TMEM127: variants seen among roughly 807,000 people sequenced by gnomAD.
The protein encoded by TMEM127 is transmembrane protein 127.
TMEM127 carries 21 observed loss-of-function variants against 20.1 expected under a neutral mutation model. The ratio of observed to expected loss-of-function variants is 1.04; its 90% CI spans 0.74 to 1.50. The LOEUF (loss-of-function observed/expected upper bound fraction) is 1.50, where lower values mean the gene tolerates loss of function less well. TMEM127 is among the 40% of genes most tolerant of loss of function. TMEM127 has a pLI of 0.00. For missense variants in TMEM127, 303 were observed against 317.4 expected (o/e 0.95, Z 0.34); for synonymous variants, 150 against 144.7 (o/e 1.04, Z -0.26).
intron 2 of TMEM127, among the ~76,000 whole-genome samples, chr2:96,257,898 G>A (rs1278159473): frequency 6.7e-6 from 1 of 149,508 alleles, no homozygotes; most frequent in Admixed American, 6.7e-5. Context: ...CTTGGTGACA[G>A]AGTGACTCCG....
At position 96,265,753 on chromosome 2, in the gene TMEM127, G is replaced by A. The variant is rs1573978529; in HGVS notation, c.-132+116C>T. The A allele has an allele frequency of 1.8e-5, 4 of 222,998 alleles. No homozygotes were observed. In the East Asian group the frequency reaches 3.3e-4, roughly 19 times the overall value. 13.8% of individuals were successfully genotyped at this position (222,998 alleles called of 1,614,324 possible). On this transcript the variant is annotated intron_variant, in intron 1 of 3. Transcript: ENST00000258439. The stretch of plus-strand genomic sequence containing the variant: ...CAGGGTCTCAGCCAGAGGATGCCGA[G>A]GGGCGGAGGACCGGGCTGGGCCGCG...
intron 2 of TMEM127, among the ~76,000 whole-genome samples, chr2:96,262,741 C>T (rs1005073496): frequency 6.6e-6 from 1 of 152,192 alleles, no homozygotes; most frequent in Non-Finnish European, 1.5e-5. Context: ...GGCTGGAGTG[C>T]AGTAGTGTGA....
chr2:96,263,022 AAAG>A (rs1684342531), intron 2 of TMEM127, among the ~76,000 whole-genome samples: 1 of 151,226 alleles, frequency 6.6e-6, no homozygotes, highest in African/African-American at 2.4e-5. Context: ...ACATGTGAAC[AAAG>A]AAGAACCTGC....
In TMEM127 at chr2:96,253,333, TCCG is replaced by T; in HGVS notation, c.*472_*474del. 2 of 244,168 alleles carry T rather than the reference TCCG, an allele frequency of 8.2e-6. No homozygotes were observed. The highest frequency in any genetic ancestry group is 5.1e-5 in the Admixed American group (1 of 19,710). 15.1% of individuals were successfully genotyped at this position (244,168 alleles called of 1,614,324 possible). A position where few individuals can be genotyped will look rare whatever the true frequency, so the allele number is the denominator to read the frequency against. On this transcript the variant is annotated 3_prime_UTR_variant, in exon 4 of 4. Transcript: ENST00000258439. This position sits in a 1 kb window ranked among gnomAD's most constrained non-coding sequence, Gnocchi z 4.3. ...AGCAGGTGGCCTGGGGGCGGGTCAC[TCCG>T]AGAAGGAAGGGGTCTGGGGGGCGTC...
At position 96,265,302 on chromosome 2, in the gene TMEM127, G is replaced by C. The variant is rs983504110; in HGVS notation, c.80C>G (p.Pro27Arg). ...CAGGGCCGAGGCCAGGCTACGCTCC[G>C]GCTGCTTGGGCAGAGCGCTGCCTCC... ...SPGGSALPKQ[P>R]ERSLASALPG... Residue 27 changes from proline to arginine, a missense_variant, in exon 2 of 4, where the codon CCG (proline) becomes CGG (arginine). By Grantham distance (103) the Pro-to-Arg change is moderately radical. Coordinates refer to ENST00000258439, the MANE Select transcript of TMEM127 (RefSeq NM_017849.4). The C allele has an allele frequency of 1.9e-6, 3 of 1,544,026 alleles. No homozygotes were observed. The highest frequency in any genetic ancestry group is 2.6e-6 in the Non-Finnish European group (3 of 1,151,008).
rs1297577323 is a variant in TMEM127 at position 96,265,170 on chromosome 2, AC to A, written c.211del (p.Val71CysfsTer10). 6.2e-7 allele frequency: 1 copy of A among 1,611,276 alleles called. No homozygotes were observed. The highest frequency in any genetic ancestry group is 1.7e-5 in the Admixed American group (1 of 59,872). On this transcript the variant is annotated frameshift_variant, in exon 2 of 4. Coordinates refer to ENST00000258439, the MANE Select transcript of TMEM127 (RefSeq NM_017849.4). LOFTEE classifies it high-confidence loss of function. ...CSRQELGVSD[V>X]LGYVHPDLLK... ...CAGGTCCGGGTGCACATAGCCCAAC[AC>A]GTCGGAGACCCCCAGCTCCTGGCGC...
At chr2:96,254,203 C>T (rs1684155311) in intron 3 of TMEM127, 88 bp from the exon 4 acceptor site, 1 of 1,544,004 alleles carries the variant, frequency 6.5e-7, no homozygotes, top group Admixed American at 1.7e-5. Flanking sequence ...CCTCTCTACC[C>T]AAACCCCATT....
Position 96,249,670 on chromosome 2 carries a change from T to A in TMEM127, c.*4138A>T, listed in dbSNP as rs1335203490. 7 of 232,772 alleles carry A rather than the reference T, an allele frequency of 3.0e-5. No individual in the cohort carries two copies. In the Admixed American group the frequency reaches 3.9e-4, roughly 13 times the overall value. The allele number at this position is 232,772 out of a possible 1,614,324, so 14.4% of individuals were successfully genotyped here. Reference sequence around the variant, plus strand: ...TTAAAATGTCACTCCCCCCAAAAAATGCAGAGGAAGAGGTAAGATTGCAGG... The same window carrying A: ...TTAAAATGTCACTCCCCCCAAAAAAAGCAGAGGAAGAGGTAAGATTGCAGG... On this transcript the variant is annotated 3_prime_UTR_variant, in exon 4 of 4. Coordinates refer to ENST00000258439, the MANE Select transcript of TMEM127 (RefSeq NM_017849.4).
rs775177724 is a variant in TMEM127, at chr2:96,253,891, A to T, written c.634T>A (p.Ser212Thr). ...EEEEQALELL[S>T]EMEENEPYPA... ...TAGGGCTCGTTCTCTTCCATCTCTG[A>T]GAGCAGCTCCAGCGCCTGCTCCTCT... Residue 212 changes from serine to threonine, a missense_variant, in exon 4 of 4, where the codon TCA (serine) becomes ACA (threonine). Coordinates refer to ENST00000258439, the MANE Select transcript of TMEM127 (RefSeq NM_017849.4). The surrounding 1 kb of genome is among the most constrained non-coding windows in gnomAD (Gnocchi z 4.3). 1.9e-6 allele frequency: 3 copies of T among 1,613,988 alleles called. No homozygotes were observed. In the South Asian group the frequency reaches 3.3e-5, roughly 18 times the overall value.
At position 96,251,310 on chromosome 2, in the gene TMEM127, G is replaced by A. The variant is rs191565203; in HGVS notation, c.*2498C>T. On this transcript the variant is annotated 3_prime_UTR_variant, in exon 4 of 4. Transcript: ENST00000258439. The stretch of plus-strand genomic sequence containing the variant: ...AGGTGGGTGGATAACCTGAGGTTAG[G>A]AGTTCCAGACCAGCCTGGCCAACAT... 258 of 197,248 alleles carry A rather than the reference G, an allele frequency of 1.3e-3. 1 individual carries two copies. Among genetic ancestry groups the A allele is most frequent in the African/African-American group, 5.5e-3 (239 of 43,434 alleles). The allele number at this position is 197,248 out of a possible 1,614,324, so 12.2% of individuals were successfully genotyped here.
In TMEM127 at chr2:96,250,463, G is replaced by T. The variant is rs777183430; in HGVS notation, c.*3345C>A. 4 of 232,920 alleles carry T rather than the reference G, an allele frequency of 1.7e-5. No individual in the cohort carries two copies. Among genetic ancestry groups the T allele is most frequent in the Non-Finnish European group, 3.4e-5 (4 of 117,848 alleles). The allele number at this position is 232,920 out of a possible 1,614,324, so 14.4% of individuals were successfully genotyped here. On this transcript the variant is annotated 3_prime_UTR_variant, in exon 4 of 4. Coordinates refer to ENST00000258439, the MANE Select transcript of TMEM127 (RefSeq NM_017849.4). ...CTTTCTGTGGACAAGTCCATCTCCT[G>T]AACTAAGGACATAAAATCCTTGCAG...
rs1002170440 is a variant in TMEM127, at chr2:96,249,015, C to T, written c.*4793G>A. 8.5e-6 allele frequency: 2 copies of T among 234,168 alleles called. No homozygotes were observed. The highest frequency in any genetic ancestry group is 1.7e-5 in the Non-Finnish European group (2 of 118,850). The allele number at this position is 234,168 out of a possible 1,614,324, so 14.5% of individuals were successfully genotyped here. On this transcript the variant is annotated 3_prime_UTR_variant, in exon 4 of 4. Coordinates refer to ENST00000258439, the MANE Select transcript of TMEM127 (RefSeq NM_017849.4). Reference sequence around the variant, plus strand: ...CTGAGATCAGCCAATCTTCCCTGGGCACTGCTCTCTCCCCCAGCAAAAAAG... The same window carrying T: ...CTGAGATCAGCCAATCTTCCCTGGGTACTGCTCTCTCCCCCAGCAAAAAAG...
Position 96,252,196 on chromosome 2 carries a change from CCAGT to C in TMEM127, c.*1608_*1611del, listed in dbSNP as rs1321387842. The stretch of plus-strand genomic sequence containing the variant: ...CATGCAGGCATCTGTCCGGACATCC[CCAGT>C]CAATCTGGCCAAAGGATGGGACATG... On this transcript the variant is annotated 3_prime_UTR_variant, in exon 4 of 4. Transcript: ENST00000258439. The surrounding 1 kb of genome is among the most constrained non-coding windows in gnomAD (Gnocchi z 4.2). 4.3e-6 allele frequency: 1 copy of C among 233,276 alleles called. No individual in the cohort carries two copies. The highest frequency in any genetic ancestry group is 8.5e-6 in the Non-Finnish European group (1 of 118,126). 14.5% of individuals were successfully genotyped at this position (233,276 alleles called of 1,614,324 possible). A position where few individuals can be genotyped will look rare whatever the true frequency, so the allele number is the denominator to read the frequency against.
rs140860906 is a variant in TMEM127, at chr2:96,253,936, G to A, written c.589C>T (p.Arg197Cys). The A allele has an allele frequency of 1.2e-5, 20 of 1,613,890 alleles. No homozygotes were observed. The highest frequency in any genetic ancestry group is 2.2e-5 in the East Asian group (1 of 44,888). The change falls in exon 4 of 4, where the codon CGC (arginine) becomes TGC (cysteine). Residue 197 changes from arginine (R) to cysteine (C), a missense_variant. Coordinates refer to ENST00000258439, the MANE Select transcript of TMEM127 (RefSeq NM_017849.4). This position sits in a 1 kb window ranked among gnomAD's most constrained non-coding sequence, Gnocchi z 4.3. ...TCCTCTTCCTCTGTGGGGTAGTGGC[G>A]CAGGAGGTTGGCTGCCGTGGCCAGG... is the stretch of plus-strand genomic sequence containing the variant. The part of the protein sequence containing the change: ...SILATAANLL[R>C]HYPTEEEEQA...
Position 96,252,282 on chromosome 2 carries a change from ACTAT to A in TMEM127, c.*1522_*1525del, listed in dbSNP as rs1362154725. ...TTGTCCATTCTCCAGTCTTGCTCAA[ACTAT>A]CTATCACCTTAAAGGTTGGAAGAGA... On this transcript the variant is annotated 3_prime_UTR_variant, in exon 4 of 4. Coordinates refer to ENST00000258439, the MANE Select transcript of TMEM127 (RefSeq NM_017849.4). This position sits in a 1 kb window ranked among gnomAD's most constrained non-coding sequence, Gnocchi z 4.2. 8.6e-6 allele frequency: 2 copies of A among 233,166 alleles called. No homozygotes were observed. The highest frequency in any genetic ancestry group is 4.4e-5 in the African/African-American group (2 of 45,346). The allele number at this position is 233,166 out of a possible 1,614,324, so 14.4% of individuals were successfully genotyped here.
rs188287664 is a variant in TMEM127 at position 96,258,124 on chromosome 2, C to T, written c.245-3127G>A. Among the ~76,000 whole-genome samples the T allele has an allele frequency of 6.6e-4, 100 of 152,264 alleles. 2 individuals are homozygous for T. The East Asian group carries it at 0.01, about 16-fold the overall frequency. On this transcript the variant is annotated intron_variant, in intron 2 of 3. Coordinates refer to ENST00000258439, the MANE Select transcript of TMEM127 (RefSeq NM_017849.4). ...TGATCATCAATCTCTAGGGCATACC[C>T]AAATCACTGTGGCACTGGCTGAAAG...
At chr2:96,257,004 G>T (rs2104292412) in intron 2 of TMEM127, among the ~76,000 whole-genome samples, 1 of 152,262 alleles carries the variant, frequency 6.6e-6, no homozygotes, top group South Asian at 2.1e-4. Context: ...CACGTCAAGG[G>T]CATAAATGAA....
intron 2 of TMEM127, among the ~76,000 whole-genome samples, chr2:96,256,318 AT>A (rs1468953037): frequency 6.6e-6 from 1 of 151,586 alleles, no homozygotes; most frequent in African/African-American, 2.4e-5. Flanking sequence ...CACACCTGTA[AT>A]CCCACACTTT....
At position 96,254,963 on chromosome 2, in the gene TMEM127, C is replaced by T. The variant is rs745859438; in HGVS notation, c.279G>A (p.Leu93=). 6.2e-7 allele frequency: 1 copy of T among 1,614,240 alleles called. No homozygotes were observed. The highest frequency in any genetic ancestry group is 8.5e-7 in the Non-Finnish European group (1 of 1,180,038). The change falls in exon 3 of 4, where the codon CTG becomes CTA. Residue 93 remains leucine, a synonymous_variant. Transcript: ENST00000258439. The part of the protein sequence containing the change: ...FCMNPQTVLL[L]RVIAAFCFLG... Reference sequence around the variant, plus strand: ...GGAAACAGAAGGCGGCGATGACCCGCAGGAGCAGCACTGTCTGGGGATTCA... The same window carrying T: ...GGAAACAGAAGGCGGCGATGACCCGTAGGAGCAGCACTGTCTGGGGATTCA...
Sources: gnomAD v4.1 joint callset for allele counts (sites outside exome capture counted in the v4.1 genomes callset) on GRCh38, gnomAD v4.1.1 for gene constraint, Gnocchi (gnomAD v3.1) non-coding constraint, MANE v1.5 for transcripts, NCBI Gene and HGNC (gene_info 2026-07-23, HGNC 2026-07-21) for gene names.